The following PPFIBP1 variants were observed in gnomAD, a reference collection of about 807,000 sequenced individuals.
The protein encoded by PPFIBP1 is liprin-beta-1.
PPFIBP1 carries 112 observed loss-of-function variants against 137.8 expected under a neutral mutation model. That is an observed-to-expected ratio of 0.81 (90% CI 0.70 to 0.95). PPFIBP1 has a LOEUF of 0.95. PPFIBP1 is among the 40% of genes least tolerant of loss of function. The pLI is 0.00. For synonymous variants in PPFIBP1, 378 were observed against 417.3 expected (o/e 0.91, Z 1.15); for missense variants, 1,083 against 1,196.6 (o/e 0.91, Z 1.40).
At chr12:27,610,484 A>G (rs1410963130) in intron 2 of PPFIBP1, among the ~76,000 whole-genome samples, 1 of 152,190 alleles carries the variant, frequency 6.6e-6, no homozygotes, top group Non-Finnish European at 1.5e-5. Context: ...ATGGTGTTTT[A>G]CTGTGTGGAG....
intron 1 of PPFIBP1, among the ~76,000 whole-genome samples, chr12:27,528,255 G>A (rs1324245907): frequency 6.6e-6 from 1 of 151,986 alleles, no homozygotes. Context: ...GGTTATGCAG[G>A]GTATTCTTTG....
chr12:27,680,013 C>T lies in PPFIBP1; in HGVS notation c.1847C>T (p.Thr616Ile). 2 of 1,614,026 alleles carry T rather than the reference C, an allele frequency of 1.2e-6. No homozygotes were observed. Among genetic ancestry groups the T allele is most frequent in the Non-Finnish European group, 1.7e-6 (2 of 1,179,966 alleles). ...PEFKRGGTRA[T>I]AGPRLGWSRD... The stretch of plus-strand genomic sequence containing the variant: ...TTCAAAAGAGGAGGGACAAGGGCAA[C>T]CGCGGGGCCCCGATTAGGTTGGTCT... Residue 616 changes from threonine (T) to isoleucine (I), a missense_variant, in exon 21 of 30, where the codon ACC becomes ATC. Transcript: ENST00000228425.
rs1268982031 is a variant in PPFIBP1 at position 27,693,355 on chromosome 12, T to G, written c.*473T>G. The G allele has an allele frequency of 6.5e-6, 1 of 153,434 alleles. No homozygotes were observed. The highest frequency in any genetic ancestry group is 1.9e-4 in the East Asian group (1 of 5,214). The allele number at this position is 153,434 out of a possible 1,614,324, so 9.5% of individuals were successfully genotyped here. On this transcript the variant is annotated 3_prime_UTR_variant, in exon 30 of 30. Transcript: ENST00000228425. ...TGCCAGCCACACCTCCACTTGCCTC[T>G]TATTGTCTTATTTTTATATATTTTT...
chr12:27,561,043 G>A (rs899174370), intron 1 of PPFIBP1, among the ~76,000 whole-genome samples: 1 of 152,140 alleles, frequency 6.6e-6, no homozygotes, highest in East Asian at 1.9e-4. Flanking sequence ...ACAGTAAAAA[G>A]TCTGTGTGTA....
intron 2 of PPFIBP1, among the ~76,000 whole-genome samples, chr12:27,609,310 C>G (rs767992536): frequency 6.6e-6 from 1 of 152,204 alleles, no homozygotes; most frequent in Non-Finnish European, 1.5e-5. Flanking sequence ...TGCTCCTCCT[C>G]CAGTGTTCTT....
intron 2 of PPFIBP1, among the ~76,000 whole-genome samples, chr12:27,599,669 T>C (rs1429691360): frequency 1.3e-5 from 2 of 152,208 alleles, no homozygotes; most frequent in African/African-American, 4.8e-5. Context: ...TGAAATACTT[T>C]AAGCATACAA....
chr12:27,633,923 C>T (rs192138246), intron 3 of PPFIBP1, among the ~76,000 whole-genome samples: 306 of 150,558 alleles, frequency 2.0e-3, no homozygotes, highest in African/African-American at 6.9e-3. Context: ...CTGCAACCTC[C>T]GCCTCCTGGG....
chr12:27,646,630 A>G (rs536611144), intron 5 of PPFIBP1, among the ~76,000 whole-genome samples: 3 of 152,272 alleles, frequency 2.0e-5, no homozygotes, highest in East Asian at 1.9e-4. Context: ...GTAAGTTTAT[A>G]TTTCTGAATC....
intron 16 of PPFIBP1, 68 bp downstream of exon 16, chr12:27,673,895 C>A: frequency 7.5e-7 from 1 of 1,337,518 alleles, no homozygotes; most frequent in South Asian, 1.3e-5. Context: ...GGATCTTCAT[C>A]TTTTCCCTTT....
At chr12:27,638,170 C>G (rs1410803572) in intron 4 of PPFIBP1, among the ~76,000 whole-genome samples, 1 of 152,136 alleles carries the variant, frequency 6.6e-6, no homozygotes, top group African/African-American at 2.4e-5. Context: ...AATGTACTTA[C>G]TACCACTGAA....
At chr12:27,529,408 G>A (rs1319562791) in intron 1 of PPFIBP1, among the ~76,000 whole-genome samples, 1 of 152,144 alleles carries the variant, frequency 6.6e-6, no homozygotes, top group Admixed American at 6.5e-5. Context: ...TAAAGAAGTG[G>A]CCAGGCTGGA....
At chr12:27,591,694 A>G (rs1435618594) in intron 2 of PPFIBP1, among the ~76,000 whole-genome samples, 3 of 152,152 alleles carry the variant, frequency 2.0e-5, no homozygotes, top group African/African-American at 7.2e-5. Context: ...TGAGGTATGT[A>G]TTATTATCTT....
chr12:27,546,571 A>G (rs1221392938), intron 1 of PPFIBP1, among the ~76,000 whole-genome samples: 1 of 152,108 alleles, frequency 6.6e-6, no homozygotes, highest in Admixed American at 6.5e-5. Context: ...TTTTTGGAAG[A>G]TAGTGCTGTC....
chr12:27,541,922 G>A (rs1022521751), intron 1 of PPFIBP1, among the ~76,000 whole-genome samples: 2 of 152,034 alleles, frequency 1.3e-5, no homozygotes, highest in African/African-American at 4.8e-5. Flanking sequence ...GGTACTATTA[G>A]GCAGAGGGTG....
Position 27,688,330 on chromosome 12 carries a change from G to A in PPFIBP1, c.2403G>A (p.Trp801Ter). Residue 801 changes from tryptophan to a stop codon, truncating the protein, a stop_gained, in exon 26 of 30, where the codon TGG becomes TGA. Transcript: ENST00000228425. LOFTEE classifies it high-confidence loss of function. Reference sequence around the variant, plus strand: ...TCGCCCCATCAGAAGTTCAGAAGTGGACTAACCATCGAGTGATGGAGTGGC... The same window carrying A: ...TCGCCCCATCAGAAGTTCAGAAGTGAACTAACCATCGAGTGATGGAGTGGC... ...NTIAPSEVQK[W>*]TNHRVMEWLR... 6.2e-7 allele frequency: 1 copy of A among 1,614,086 alleles called. No individual in the cohort carries two copies. The highest frequency in any genetic ancestry group is 2.2e-5 in the East Asian group (1 of 44,882).
At position 27,650,012 on chromosome 12, in the gene PPFIBP1, G is replaced by C. The variant is rs767861115; in HGVS notation, c.474G>C (p.Glu158Asp). Residue 158 changes from glutamate (E) to aspartate (D), a missense_variant and splice_region_variant, in exon 7 of 30, where the codon GAG (glutamate) becomes GAC (aspartate). Coordinates refer to ENST00000228425, the MANE Select transcript of PPFIBP1 (RefSeq NM_003622.4). ...ATGTATCTGTTAAATTATAATAGGA[G>C]CTTCTAAGTAGGACATCCTTAGAAA... ...VNATEEMLQQ[E>D]LLSRTSLETQ... 167 of 1,599,924 alleles carry C rather than the reference G, an allele frequency of 1.0e-4. No individual in the cohort carries two copies. The highest frequency in any genetic ancestry group is 1.4e-4 in the Non-Finnish European group (159 of 1,169,942).
At chr12:27,690,103 C>T (rs2061440288) in intron 27 of PPFIBP1, among the ~76,000 whole-genome samples, 2 of 152,050 alleles carry the variant, frequency 1.3e-5, no homozygotes, top group Non-Finnish European at 2.9e-5. Context: ...TATCTGCCCA[C>T]TCTAACAAGT....
intron 17 of PPFIBP1, 40 bp downstream of exon 17, chr12:27,674,261 C>T (rs1227190880): frequency 3.3e-6 from 5 of 1,507,344 alleles, no homozygotes; most frequent in Admixed American, 3.7e-5. Context: ...AATATTTCTA[C>T]TTCCATTACA....
chr12:27,686,217 A>G (rs2061193176), intron 24 of PPFIBP1, among the ~76,000 whole-genome samples: 1 of 152,224 alleles, frequency 6.6e-6, no homozygotes, highest in African/African-American at 2.4e-5. Context: ...ATTTAAACTG[A>G]TTAATATTTT....
Sources: allele counts gnomAD v4.1 joint callset (sites outside exome capture counted in the v4.1 genomes callset), GRCh38; gene constraint gnomAD v4.1.1; transcripts MANE v1.5; gene names NCBI Gene and HGNC (gene_info 2026-07-23, HGNC 2026-07-21).